Variants in APOL1 observed in about 807,000 individuals in gnomAD.
The protein encoded by APOL1 is apolipoprotein L 1.
In APOL1, 17 loss-of-function variants were observed where a neutral mutation model predicts 14.9. The ratio of observed to expected loss-of-function variants is 1.14; its 90% confidence interval spans 0.78 to 1.71. The LOEUF (loss-of-function observed/expected upper bound fraction) is 1.71, where lower values mean the gene tolerates loss of function less well. Ranked by LOEUF, APOL1 falls within the 40% of genes most tolerant of loss-of-function variation. The pLI, the probability that APOL1 is intolerant of heterozygous loss-of-function variation, is 0.00. For synonymous variants in APOL1, 195 were observed against 184.8 expected, an observed-to-expected ratio of 1.05 and a Z score of -0.45; for missense variants, 523 against 485.9, an observed-to-expected ratio of 1.08 and a Z score of -0.72.
At position 36,265,511 on chromosome 22, in the gene APOL1, CA is replaced by C; in HGVS notation, c.676del (p.Ser226ValfsTer26). 1 of 1,613,414 alleles carries C rather than the reference CA, an allele frequency of 6.2e-7. No homozygotes were observed. The highest frequency in any genetic ancestry group is 8.5e-7 in the Non-Finnish European group (1 of 1,179,662). On this transcript the variant is annotated frameshift_variant, in exon 6 of 6. Transcript: ENST00000397278. LOFTEE classifies it low-confidence loss of function (END_TRUNC). ...CAGCCGCTTTGACCGGGATTACCAG[CA>C]GTACCATGGACTACGGAAAGAAGTG... ...ITAALTGITS[S>X]TMDYGKKWWT... is the part of the protein sequence containing the mutation.
intron 5 of APOL1, among the ~76,000 whole-genome samples, chr22:36,264,019 T>C (rs1426066682): frequency 6.6e-6 from 1 of 152,174 alleles, no homozygotes; most frequent in Non-Finnish European, 1.5e-5. Context: ...GGGGAGATTC[T>C]TGCTGAGCTG....
intron 4 of APOL1, chr22:36,257,706 G>GT (rs58789218): frequency 4.0e-6 from 1 of 248,324 alleles, no homozygotes; most frequent in African/African-American, 2.6e-5. Flanking sequence ...CGGGGGGGGG[G>GT]GGGAGTGTGG....
At chr22:36,255,139 A>G (rs2146295229) in intron 2 of APOL1, 140 bp downstream of exon 2, 3 of 1,061,806 alleles carry the variant, frequency 2.8e-6, no homozygotes, top group Admixed American at 3.9e-5. Context: ...ACCAACCGGC[A>G]GACTCGCCCA....
In APOL1 at chr22:36,265,597, T is replaced by A. The variant is rs2016218904; in HGVS notation, c.761T>A (p.Val254Glu). The change falls in exon 6 of 6, where the codon GTG becomes GAG. Residue 254 changes from valine (V) to glutamate (E), a missense_variant. Coordinates refer to ENST00000397278, the MANE Select transcript of APOL1 (RefSeq NM_003661.4). The stretch of plus-strand genomic sequence containing the variant: ...AAAAGCCTTGACAAATTGAAGGAGG[T>A]GAGGGAGTTTTTGGGTGAGAACATA... ...VIKSLDKLKE[V>E]REFLGENISN... 1 of 1,597,134 alleles carries A rather than the reference T, an allele frequency of 6.3e-7. No homozygotes were observed. Among genetic ancestry groups the A allele is most frequent in the African/African-American group, 1.3e-5 (1 of 74,216 alleles).
chr22:36,255,020 T>A (rs192516392), intron 2 of APOL1, 21 bp downstream of exon 2: 162 of 1,609,082 alleles, frequency 1.0e-4, no homozygotes, highest in Admixed American at 8.7e-4. Flanking sequence ...CTCAGAGCCC[T>A]GAGGCGGGAG....
chr22:36,261,333 G>T (rs2016065022), intron 4 of APOL1, among the ~76,000 whole-genome samples: 3 of 152,088 alleles, frequency 2.0e-5, no homozygotes, highest in Non-Finnish European at 4.4e-5. Context: ...CCCTCTAATA[G>T]AATTAGAGCC....
chr22:36,256,645 A>G (rs1230001738), intron 2 of APOL1, among the ~76,000 whole-genome samples: 1 of 152,254 alleles, frequency 6.6e-6, no homozygotes, highest in Non-Finnish European at 1.5e-5. Flanking sequence ...AGTTGAGCAC[A>G]GAGTGTGAGA....
intron 5 of APOL1, among the ~76,000 whole-genome samples, chr22:36,263,796 G>A (rs2016146550): frequency 6.6e-6 from 1 of 152,216 alleles, no homozygotes; most frequent in African/African-American, 2.4e-5. Context: ...TAAAGACAGA[G>A]GGGGAGTCAC....
rs1238522612 is a variant in APOL1, at chr22:36,267,216, C to G, written c.*1183C>G. The G allele has an allele frequency of 6.6e-6, 1 of 152,338 alleles. No individual in the cohort carries two copies. The highest frequency in any genetic ancestry group is 1.5e-5 in the Non-Finnish European group (1 of 68,232). The allele number at this position is 152,338 out of a possible 1,614,324, so 9.4% of individuals were successfully genotyped here. A position where few individuals can be genotyped will look rare whatever the true frequency, so the allele number is the denominator to read the frequency against. On this transcript the variant is annotated 3_prime_UTR_variant, in exon 6 of 6. Transcript: ENST00000397278. ...TGATGATGGTCATTGGGGTGGTTGT[C>G]ATGTGATGGGTCCCCTCCAGGTTAC...
In APOL1 at chr22:36,266,765, C is replaced by T. The variant is rs567023028; in HGVS notation, c.*732C>T. ...CTAAAAATACAAAAAATTAGCCGGG[C>T]ATGGTGGCGGGCGCCTGTAGTTCCA... is the stretch of plus-strand genomic sequence containing the variant. On this transcript the variant is annotated 3_prime_UTR_variant, in exon 6 of 6. Coordinates refer to ENST00000397278, the MANE Select transcript of APOL1 (RefSeq NM_003661.4). 8 of 328,552 alleles carry T rather than the reference C, an allele frequency of 2.4e-5. No homozygotes were observed. The highest frequency in any genetic ancestry group is 3.2e-4 in the South Asian group (2 of 6,324). The allele number at this position is 328,552 out of a possible 1,614,324, so 20.4% of individuals were successfully genotyped here.
At chr22:36,259,617 A>G in intron 4 of APOL1, 1 of 1,255,082 alleles carries the variant, frequency 8.0e-7, no homozygotes, top group Non-Finnish European at 1.0e-6. Flanking sequence ...GGGCTGGGGG[A>G]CTGAGGAAAA....
chr22:36,259,131 C>T (rs1020932451), intron 4 of APOL1, among the ~76,000 whole-genome samples: 11 of 152,168 alleles, frequency 7.2e-5, no homozygotes, highest in African/African-American at 2.7e-4. Flanking sequence ...AACAGAAGTA[C>T]CCATCTGATA....
In APOL1 at chr22:36,265,487, A is replaced by T. The variant is rs1240348745; in HGVS notation, c.651A>T (p.Thr217=). The T allele has an allele frequency of 1.2e-6, 2 of 1,614,108 alleles. No individual in the cohort carries two copies. The highest frequency in any genetic ancestry group is 3.3e-5 in the Admixed American group (2 of 60,018). ...LLEPGMELGI[T]AALTGITSST... is the part of the protein sequence containing the mutation. Reference sequence around the variant, plus strand: ...AACCTGGGATGGAGTTGGGAATCACAGCCGCTTTGACCGGGATTACCAGCA... The same window carrying T: ...AACCTGGGATGGAGTTGGGAATCACTGCCGCTTTGACCGGGATTACCAGCA... Residue 217 remains threonine, a synonymous_variant, in exon 6 of 6, where the codon ACA becomes ACT. Transcript: ENST00000397278.
chr22:36,257,698 G>GC (rs1222401359), intron 4 of APOL1: 4 of 268,596 alleles, frequency 1.5e-5, no homozygotes, highest in Admixed American at 4.7e-5. Context: ...GGAATCAGCG[G>GC]GGGGGGGGGG....
chr22:36,265,123 C>G (rs766570504), intron 5 of APOL1, 28 bp from the exon 6 acceptor site: 1 of 1,611,930 alleles, frequency 6.2e-7, no homozygotes, highest in Non-Finnish European at 8.5e-7. Flanking sequence ...AACTGCATTT[C>G]TTAATCCTTT....
chr22:36,263,568 G>A (rs917448143), intron 5 of APOL1, among the ~76,000 whole-genome samples: 4 of 152,220 alleles, frequency 2.6e-5, no homozygotes, highest in Non-Finnish European at 5.9e-5. Context: ...GAGACACACG[G>A]GGCAGAGTTT....
chr22:36,265,184 C>A lies in APOL1; in HGVS notation c.348C>A (p.Asp116Glu). Reference sequence around the variant, plus strand: ...CAGATGAGCTCCGTAAAGCTCTGGACAACCTTGCAAGACAAATGATCATGA... The same window carrying A: ...CAGATGAGCTCCGTAAAGCTCTGGAAAACCTTGCAAGACAAATGATCATGA... ...NEADELRKALDNLARQMIMKD... is the reference protein window; with the variant it reads ...NEADELRKALENLARQMIMKD... Residue 116 changes from aspartate to glutamate, a missense_variant, in exon 6 of 6, where the codon GAC becomes GAA. By Grantham distance (45) the Asp-to-Glu change is conservative. Coordinates refer to ENST00000397278, the MANE Select transcript of APOL1 (RefSeq NM_003661.4). 6 of 1,614,184 alleles carry A rather than the reference C, an allele frequency of 3.7e-6. No individual in the cohort carries two copies. Among genetic ancestry groups the A allele is most frequent in the Non-Finnish European group, 5.1e-6 (6 of 1,180,038 alleles).
intron 5 of APOL1, among the ~76,000 whole-genome samples, chr22:36,264,626 A>G (rs1461123545): frequency 6.6e-6 from 1 of 152,138 alleles, no homozygotes; most frequent in Non-Finnish European, 1.5e-5. Context: ...TGCCTTTAAG[A>G]TATTTATTTC....
At chr22:36,256,415 T>C (rs976035176) in intron 2 of APOL1, among the ~76,000 whole-genome samples, 1 of 152,212 alleles carries the variant, frequency 6.6e-6, no homozygotes, top group African/African-American at 2.4e-5. Context: ...AGGATGTTCT[T>C]TGTAGCATAA....
Sources: allele counts gnomAD v4.1 joint callset (sites outside exome capture counted in the v4.1 genomes callset), GRCh38; gene constraint gnomAD v4.1.1; transcripts MANE v1.5; gene names NCBI Gene and HGNC (gene_info 2026-07-23, HGNC 2026-07-21).